IQGAP1: variants seen among roughly 807,000 people sequenced by gnomAD.
IQGAP1 encodes the protein IQ motif containing GTPase activating protein 1.
IQGAP1 carries 66 observed loss-of-function variants against 215.6 expected under a neutral mutation model. The ratio of observed to expected loss-of-function variants is 0.31; its 90% CI spans 0.25 to 0.38. The LOEUF is 0.38. IQGAP1 is among the 10% of genes least tolerant of loss of function. The pLI is 1.00. For missense variants in IQGAP1, 1,712 were observed against 1,997.1 expected, an observed-to-expected ratio of 0.86 and a Z score of 2.72; for synonymous variants, 772 against 728.7, an observed-to-expected ratio of 1.06 and a Z score of -0.96.
chr15:90,441,401 T>TG, intron 7 of IQGAP1, 105 bp from the exon 8 acceptor site: 1 of 950,288 alleles, frequency 1.1e-6, no homozygotes, highest in East Asian at 2.5e-5. Context: ...AAGGAGCCTC[T>TG]GTCTCTAATG....
chr15:90,454,613 A>G (rs1567131966), intron 14 of IQGAP1, 61 bp downstream of exon 14: 2 of 1,480,352 alleles, frequency 1.4e-6, no homozygotes, highest in Non-Finnish European at 1.8e-6. Context: ...TGATTCCATG[A>G]AGTGGTTCAA....
At chr15:90,484,162 C>G in intron 29 of IQGAP1, 58 bp from the exon 30 acceptor site, 1 of 1,548,172 alleles carries the variant, frequency 6.5e-7, no homozygotes, top group East Asian at 2.3e-5. Flanking sequence ...GAAATGTCCT[C>G]TTGCCAACTT....
intron 6 of IQGAP1, 38 bp from the exon 7 acceptor site, chr15:90,440,464 C>A: frequency 1.4e-6 from 2 of 1,402,684 alleles, no homozygotes; most frequent in Non-Finnish European, 2.0e-6. Flanking sequence ...TGGAAGGGTG[C>A]TTAGCTTGAT....
chr15:90,419,384 A>T (rs535941328), intron 2 of IQGAP1, among the ~76,000 whole-genome samples: 24 of 152,286 alleles, frequency 1.6e-4, no homozygotes, highest in African/African-American at 5.5e-4. Flanking sequence ...TATATTGAAA[A>T]TGAGTCATTC....
At chr15:90,456,451 A>T in intron 15 of IQGAP1, 136 bp downstream of exon 15, 2 of 772,780 alleles carry the variant, frequency 2.6e-6, no homozygotes, top group Non-Finnish European at 4.0e-6. Context: ...CACTGGAGGG[A>T]CACAAAAATG....
At position 90,486,559 on chromosome 15, in the gene IQGAP1, G is replaced by A. The variant is rs372479706; in HGVS notation, c.4025-395G>A. On this transcript the variant is annotated intron_variant, in intron 31 of 37. Coordinates refer to ENST00000268182, the MANE Select transcript of IQGAP1 (RefSeq NM_003870.4). ...TAGGCTCAAGTGATCCTCCTGAGTTGTTTTTTTTTTTTTTAATAGAGATGG... is the reference window on the plus strand; with the variant it reads ...TAGGCTCAAGTGATCCTCCTGAGTTATTTTTTTTTTTTTTAATAGAGATGG... 166 of 159,396 alleles carry A rather than the reference G, an allele frequency of 1.0e-3. 1 individual carries two copies. Among genetic ancestry groups the A allele is most frequent in the African/African-American group, 4.0e-3 (157 of 39,180 alleles). 9.9% of individuals were successfully genotyped at this position (159,396 alleles called of 1,614,324 possible). A position where few individuals can be genotyped will look rare whatever the true frequency, so the allele number is the denominator to read the frequency against.
Position 90,479,097 on chromosome 15 carries a change from G to A in IQGAP1, c.3329+1208G>A, listed in dbSNP as rs144576931. Among the ~76,000 whole-genome samples, 150 of 152,290 alleles carry A rather than the reference G, an allele frequency of 9.8e-4. 3 individuals are homozygous for A. The highest frequency in any genetic ancestry group is 2.2e-4 in the Non-Finnish European group (15 of 68,012). ...TGGTTTTTTCTTGTTGTGGAGTAGA[G>A]TTAGATCATGCATGAAGCTCTCTGG... is the stretch of plus-strand genomic sequence containing the variant. On this transcript the variant is annotated intron_variant, in intron 26 of 37. Transcript: ENST00000268182.
At chr15:90,482,714 C>A in intron 28 of IQGAP1, 2 of 1,001,618 alleles carry the variant, frequency 2.0e-6, no homozygotes, top group Non-Finnish European at 2.4e-6. Context: ...CTGTGCTTTC[C>A]TACAGTGAGG....
At chr15:90,414,990 G>A (rs979487138) in intron 2 of IQGAP1, among the ~76,000 whole-genome samples, 6 of 152,078 alleles carry the variant, frequency 3.9e-5, no homozygotes, top group Non-Finnish European at 8.8e-5. Flanking sequence ...TTCTCTTTTC[G>A]TTTTATAGAA....
intron 2 of IQGAP1, among the ~76,000 whole-genome samples, chr15:90,410,867 A>G (rs937635285): frequency 6.6e-6 from 1 of 151,510 alleles, no homozygotes; most frequent in Non-Finnish European, 1.5e-5. Context: ...AAGAAAAAAC[A>G]TTCCCAAGAT....
intron 25 of IQGAP1, among the ~76,000 whole-genome samples, 168 bp downstream of exon 25, chr15:90,477,398 T>A (rs1483329311): frequency 6.6e-6 from 1 of 152,054 alleles, no homozygotes; most frequent in Non-Finnish European, 1.5e-5. Context: ...TCTTGCTGCT[T>A]CTAGGGAAGG....
intron 1 of IQGAP1, 100 bp from the exon 2 acceptor site, chr15:90,390,670 CCTGA>C: frequency 1.3e-6 from 1 of 747,596 alleles, no homozygotes. Context: ...CATTAGTTAT[CCTGA>C]CTTTCTAGGT....
chr15:90,410,667 C>T (rs1964948045), intron 2 of IQGAP1, among the ~76,000 whole-genome samples: 1 of 149,018 alleles, frequency 6.7e-6, no homozygotes. Flanking sequence ...TGGGGAACAT[C>T]ACACACTGGG....
rs771919829 is a variant in IQGAP1 at position 90,486,944 on chromosome 15, A to G, written c.4025-10A>G. The G allele has an allele frequency of 6.2e-7, 1 of 1,613,368 alleles. No individual in the cohort carries two copies. Among genetic ancestry groups the G allele is most frequent in the Non-Finnish European group, 8.5e-7 (1 of 1,179,564 alleles). On this transcript the variant is annotated splice_polypyrimidine_tract_variant and intron_variant, in intron 31 of 37. Transcript: ENST00000268182. ...TTACGCTGACTCTTTCCACCCTCCCAAAACTTCAGGGGAAAGCTCTGGCAA... is the reference window on the plus strand; with the variant it reads ...TTACGCTGACTCTTTCCACCCTCCCGAAACTTCAGGGGAAAGCTCTGGCAA...
At chr15:90,436,954 G>GTAC (rs1190409215) in intron 5 of IQGAP1, among the ~76,000 whole-genome samples, 1 of 152,170 alleles carries the variant, frequency 6.6e-6, no homozygotes, top group African/African-American at 2.4e-5. Flanking sequence ...AGTGTTCCTG[G>GTAC]TACTGTGAAA....
At chr15:90,421,363 C>A (rs887561656) in intron 2 of IQGAP1, among the ~76,000 whole-genome samples, 5 of 151,856 alleles carry the variant, frequency 3.3e-5, no homozygotes, top group African/African-American at 1.2e-4. Flanking sequence ...GTAATCCCAG[C>A]CACTTGGGAG....
intron 11 of IQGAP1, 92 bp downstream of exon 11, chr15:90,449,735 T>C (rs1225368691): frequency 9.5e-7 from 1 of 1,057,742 alleles, no homozygotes; most frequent in African/African-American, 1.6e-5. Flanking sequence ...CATCACCCAC[T>C]CTGAGCCTAC....
In IQGAP1 at chr15:90,440,550, A is replaced by G. The variant is rs771880505; in HGVS notation, c.584A>G (p.Gln195Arg). ...ACTGAGTTGGAGAAGTATGGCATCC[A>G]GATGCCTGCCTTTAGCAAGATTGGG... is the stretch of plus-strand genomic sequence containing the variant. ...MKTELEKYGI[Q>R]MPAFSKIGGI... is the part of the protein sequence containing the mutation. Residue 195 changes from glutamine to arginine, a missense_variant, in exon 7 of 38, where the codon CAG becomes CGG. Transcript: ENST00000268182. 1 of 1,571,958 alleles carries G rather than the reference A, an allele frequency of 6.4e-7. No individual in the cohort carries two copies. Among genetic ancestry groups the G allele is most frequent in the Non-Finnish European group, 8.6e-7 (1 of 1,156,920 alleles).
intron 2 of IQGAP1, among the ~76,000 whole-genome samples, chr15:90,403,970 G>A (rs1964840913): frequency 6.6e-6 from 1 of 152,168 alleles, no homozygotes; most frequent in South Asian, 2.1e-4. Flanking sequence ...CCACCGTTTT[G>A]CTTTGCATCT....
Sources: allele counts gnomAD v4.1 joint callset (sites outside exome capture counted in the v4.1 genomes callset), GRCh38; gene constraint gnomAD v4.1.1; transcripts MANE v1.5; gene names NCBI Gene and HGNC (gene_info 2026-07-23, HGNC 2026-07-21).